The following ANKRD45 variants were observed in gnomAD, a reference collection of about 807,000 sequenced individuals.
ANKRD45 encodes ankyrin repeat domain 45.
In ANKRD45, 21 loss-of-function variants were observed where a neutral mutation model predicts 28.1. The observed-to-expected ratio is 0.75, with a 90% CI of 0.53 to 1.08. ANKRD45 has a LOEUF of 1.08. Ranked by LOEUF, ANKRD45 falls within the 50% of genes least tolerant of loss-of-function variation. ANKRD45 has a pLI of 0.00. For synonymous variants in ANKRD45, 86 were observed against 103.9 expected (o/e 0.83, Z 1.05); for missense variants, 261 against 308.7 (o/e 0.85, Z 1.16).
At chr1:173,614,017 T>A (rs1487747702) in intron 5 of ANKRD45, among the ~76,000 whole-genome samples, 1 of 152,174 alleles carries the variant, frequency 6.6e-6, no homozygotes, top group East Asian at 1.9e-4. Context: ...CTCAGGGTTA[T>A]ATGGATTAAG....
chr1:173,712,136 T>C, the ANKRD45 span, among the ~76,000 whole-genome samples: 1 of 152,218 alleles, frequency 6.6e-6, no homozygotes, highest in East Asian at 1.9e-4. Flanking sequence ...CACTTTCACA[T>C]ATGAAAAATG....
chr1:173,655,259 T>G (rs552771765), intron 2 of ANKRD45, among the ~76,000 whole-genome samples: 1 of 152,352 alleles, frequency 6.6e-6, no homozygotes, highest in South Asian at 2.1e-4. Context: ...TTGACGTTGG[T>G]GACCTACAGA....
At chr1:173,630,244 G>C (rs910880472) in intron 3 of ANKRD45, among the ~76,000 whole-genome samples, 4 of 152,138 alleles carry the variant, frequency 2.6e-5, no homozygotes, top group Non-Finnish European at 5.9e-5. Flanking sequence ...GTAATAGTAA[G>C]TACACAGAAA....
chr1:173,659,172 C>A lies in ANKRD45; in HGVS notation c.247G>T (p.Ala83Ser). 1 of 1,614,176 alleles carries A rather than the reference C, an allele frequency of 6.2e-7. No individual in the cohort carries two copies. The highest frequency in any genetic ancestry group is 8.5e-7 in the Non-Finnish European group (1 of 1,180,016). The change falls in exon 2 of 6, where the codon GCA becomes TCA. Residue 83 changes from alanine to serine, a missense_variant. Transcript: ENST00000333279. ...EDIVGRNLLY[A>S]ACMAGQSDVI... The stretch of plus-strand genomic sequence containing the variant: ...TCACTTTGCCCAGCCATGCAAGCTG[C>A]ATACAACAAATTTCTCCCAACGATG...
intron 3 of ANKRD45, among the ~76,000 whole-genome samples, chr1:173,632,790 A>G (rs1342157657): frequency 6.6e-6 from 1 of 151,890 alleles, no homozygotes; most frequent in Admixed American, 6.6e-5. Flanking sequence ...AATTGAGGCT[A>G]AAATTTAATA....
intron 2 of ANKRD45, chr1:173,658,256 G>A (rs201017135): frequency 9.8e-5 from 19 of 194,086 alleles, no homozygotes; most frequent in African/African-American, 1.9e-4. Flanking sequence ...CCTGGGAGGC[G>A]GAGGTTGCAG....
chr1:173,652,389 T>G (rs1240296174), intron 2 of ANKRD45, among the ~76,000 whole-genome samples: 1 of 152,224 alleles, frequency 6.6e-6, no homozygotes, highest in Non-Finnish European at 1.5e-5. Flanking sequence ...GTTTATGTGA[T>G]GGATTATGTT....
intron 1 of ANKRD45, among the ~76,000 whole-genome samples, chr1:173,660,310 T>C (rs1669723128): frequency 6.6e-6 from 1 of 152,182 alleles, no homozygotes. Context: ...AGAATGTTTG[T>C]GGCATCACTG....
chr1:173,632,491 A>T (rs10912654), intron 3 of ANKRD45, among the ~76,000 whole-genome samples: 25,475 of 151,070 alleles, frequency 0.17, 7,190 homozygotes, highest in African/African-American at 0.59. Flanking sequence ...TTACAGAGCC[A>T]TTATTACCCT....
chr1:173,663,364 A>G (rs1187276029), intron 1 of ANKRD45, among the ~76,000 whole-genome samples: 1 of 152,154 alleles, frequency 6.6e-6, no homozygotes, highest in East Asian at 1.9e-4. Flanking sequence ...CTATGAGAAC[A>G]TACTGTGGTT....
At chr1:173,659,513 G>T (rs1669690902) in intron 1 of ANKRD45, 80 bp from the exon 2 acceptor site, 3 of 1,217,346 alleles carry the variant, frequency 2.5e-6, no homozygotes, top group Non-Finnish European at 3.4e-6. Flanking sequence ...TCAGTCAACT[G>T]ACAATATAGA....
intron 5 of ANKRD45, among the ~76,000 whole-genome samples, chr1:173,624,291 A>C (rs991250822): frequency 6.6e-6 from 1 of 151,942 alleles, no homozygotes; most frequent in African/African-American, 2.4e-5. Flanking sequence ...CTAGGAGTTC[A>C]AGACCAGCCT....
rs188119055 is a variant in ANKRD45, at chr1:173,648,856, T to C, written c.329-1843A>G. ...ATAGTATGGTTTTCAGGTATTACTA[T>C]TATCCTCATTTTTATAGATGAAGAA... is the stretch of plus-strand genomic sequence containing the variant. On this transcript the variant is annotated intron_variant, in intron 2 of 5. Coordinates refer to ENST00000333279, the MANE Select transcript of ANKRD45 (RefSeq NM_198493.3). 4.6e-5 allele frequency among the ~76,000 whole-genome samples: 7 copies of C among 152,306 alleles called. No homozygotes were observed. In the East Asian group the frequency reaches 1.4e-3, roughly 29 times the overall value.
At chr1:173,613,742 C>T (rs1273627874) in intron 5 of ANKRD45, among the ~76,000 whole-genome samples, 8 of 152,190 alleles carry the variant, frequency 5.3e-5, no homozygotes, top group Non-Finnish European at 8.8e-5. Context: ...ATCCCCTCTA[C>T]CCGGCCACCA....
At chr1:173,645,053 G>T (rs1207574829) in intron 3 of ANKRD45, among the ~76,000 whole-genome samples, 1 of 151,730 alleles carries the variant, frequency 6.6e-6, no homozygotes, top group Non-Finnish European at 1.5e-5. Flanking sequence ...TTCATGGGGG[G>T]AATCAATTGA....
chr1:173,634,116 T>G (rs1235966628), intron 3 of ANKRD45, among the ~76,000 whole-genome samples: 1 of 151,818 alleles, frequency 6.6e-6, no homozygotes, highest in East Asian at 1.9e-4. Context: ...TAAGCAGCTC[T>G]AACAACTCAA....
At chr1:173,622,342 T>G (rs942661190) in intron 5 of ANKRD45, among the ~76,000 whole-genome samples, 2 of 152,182 alleles carry the variant, frequency 1.3e-5, no homozygotes, top group African/African-American at 4.8e-5. Flanking sequence ...AGAGCCTGAA[T>G]AGCCAAGACA....
Position 173,637,233 on chromosome 1 carries a change from A to G in ANKRD45, c.496+9613T>C, listed in dbSNP as rs997525141. On this transcript the variant is annotated intron_variant, in intron 3 of 5. Coordinates refer to ENST00000333279, the MANE Select transcript of ANKRD45 (RefSeq NM_198493.3). ...AAGAACCCGGACTTACTAAAGTACT[A>G]GAGAAGAAATTGTATACTGTAGAAA... 7.9e-6 allele frequency: 4 copies of G among 504,606 alleles called. No homozygotes were observed. In the East Asian group the frequency reaches 1.4e-4, roughly 17 times the overall value. The allele number at this position is 504,606 out of a possible 1,614,324, so 31.3% of individuals were successfully genotyped here.
intron 1 of ANKRD45, among the ~76,000 whole-genome samples, chr1:173,668,544 G>T (rs575323139): frequency 2.0e-5 from 3 of 152,168 alleles, no homozygotes; most frequent in Non-Finnish European, 4.4e-5. Flanking sequence ...AACTGATTCC[G>T]TGAGCCATCC....
Sources: allele counts gnomAD v4.1 joint callset (sites outside exome capture counted in the v4.1 genomes callset), GRCh38; gene constraint gnomAD v4.1.1; transcripts MANE v1.5; gene names NCBI Gene and HGNC (gene_info 2026-07-23, HGNC 2026-07-21).